Variants in DNHD1 observed in about 807,000 individuals in gnomAD.
DNHD1 encodes dynein heavy chain domain-containing protein 1.
A neutral mutation model predicts 458.1 loss-of-function variants in DNHD1; 383 were observed. That is an observed-to-expected ratio of 0.84 (90% CI 0.77 to 0.91). The LOEUF (loss-of-function observed/expected upper bound fraction) is 0.91. Among genes scored for constraint, DNHD1 ranks in the 40% least tolerant of loss-of-function variants. DNHD1 has a pLI of 0.00. For missense variants in DNHD1, 5,336 were observed against 5,866.1 expected (o/e 0.91, Z 2.95); for synonymous variants, 2,203 against 2,376.9 (o/e 0.93, Z 2.13).
rs1260698871 is a variant in DNHD1 at position 6,533,190 on chromosome 11, C to T, written c.2505+6C>T. On this transcript the variant is annotated splice_donor_region_variant and intron_variant, in intron 13 of 42. Transcript: ENST00000254579. ...TTGCACAGTGCACCCAGAAGGTGGG[C>T]TCTCCCCATCCATCCTTCCCAGTTT... The T allele has an allele frequency of 6.4e-7, 1 of 1,550,786 alleles. No individual in the cohort carries two copies. The highest frequency in any genetic ancestry group is 2.0e-5 in the Admixed American group (1 of 50,986).
chr11:6,533,641 G>C, intron 13 of DNHD1, 40 bp from the exon 14 acceptor site: 2 of 1,515,614 alleles, frequency 1.3e-6, no homozygotes, highest in South Asian at 2.6e-5. Flanking sequence ...GAGGTACATG[G>C]GGTTGTGGGG....
Position 6,539,954 on chromosome 11 carries a change from C to T in DNHD1, c.3499C>T (p.Leu1167=), listed in dbSNP as rs1259837683. The T allele has an allele frequency of 1.3e-5, 20 of 1,551,644 alleles. No homozygotes were observed. The Admixed American group carries it at 2.7e-4, about 21-fold the overall frequency. ...RLQRYWEARQ[L]RLLNFILHVP... ...GCAGCGGTACTGGGAAGCGCGCCAG[C>T]TGCGCCTGCTCAACTTCATCCTGCA... The change falls in exon 18 of 43, where the codon CTG becomes TTG. Residue 1167 remains leucine (L), a synonymous_variant. Transcript: ENST00000254579.
Position 6,528,686 on chromosome 11 carries a change from C to G in DNHD1, c.2002C>G (p.Arg668Gly). The G allele has an allele frequency of 1.3e-6, 2 of 1,551,678 alleles. No homozygotes were observed. Among genetic ancestry groups the G allele is most frequent in the Non-Finnish European group, 1.7e-6 (2 of 1,146,986 alleles). ...CTTGGAGGTCCGTGGATGTCGGCTG[C>G]GGGGCCAATACTTCCCCCACAATTA... ...GILEVRGCRLRGQYFPHNYKQ... is the reference protein window; with the variant it reads ...GILEVRGCRLGGQYFPHNYKQ... Residue 668 changes from arginine to glycine, a missense_variant, in exon 11 of 43, where the codon CGG (arginine) becomes GGG (glycine). Around this residue, in one of 4 missense-constraint regions of DNHD1, gnomAD observed 3,932 missense variants for 4,365.6 expected, o/e 0.90. Coordinates refer to ENST00000254579, the MANE Select transcript of DNHD1 (RefSeq NM_144666.3).
intron 7 of DNHD1, among the ~76,000 whole-genome samples, chr11:6,517,035 A>G (rs1589870688): frequency 1.3e-5 from 2 of 152,304 alleles, no homozygotes; most frequent in Admixed American, 1.3e-4. Context: ...CTTGGAAGCT[A>G]GGAAGTCCAA....
rs374802186 is a variant in DNHD1 at position 6,568,085 on chromosome 11, G to C, written c.12381G>C (p.Leu4127=). The C allele has an allele frequency of 3.7e-5, 59 of 1,576,676 alleles. No homozygotes were observed. In the Admixed American group the frequency reaches 1.1e-3, roughly 29 times the overall value. Residue 4127 remains leucine, a synonymous_variant, in exon 37 of 43, where the codon CTG becomes CTC. Coordinates refer to ENST00000254579, the MANE Select transcript of DNHD1 (RefSeq NM_144666.3). Reference sequence around the variant, plus strand: ...AGAAGCAACTGCAGGTGATAGCCCTGGGCTCTGAAGCCTGGGACCCAGTCT... The same window carrying C: ...AGAAGCAACTGCAGGTGATAGCCCTCGGCTCTGAAGCCTGGGACCCAGTCT... The part of the protein sequence containing the change: ...QGQKQLQVIA[L]GSEAWDPVSV...
chr11:6,523,679 T>G (rs1288345328), intron 10 of DNHD1, among the ~76,000 whole-genome samples: 1 of 152,186 alleles, frequency 6.6e-6, no homozygotes, highest in African/African-American at 2.4e-5. Context: ...TTCCTTTGAT[T>G]TAGTTGATTT....
At chr11:6,528,815 C>T (rs745545815) in intron 11 of DNHD1, 28 bp downstream of exon 11, 22 of 1,550,132 alleles carry the variant, frequency 1.4e-5, no homozygotes, top group Middle Eastern at 1.7e-4. Flanking sequence ...AGGGATAGGG[C>T]GCTGCCCACC....
intron 3 of DNHD1, among the ~76,000 whole-genome samples, chr11:6,501,334 T>C (rs1852131881): frequency 6.6e-6 from 1 of 151,196 alleles, no homozygotes; most frequent in South Asian, 2.1e-4. Flanking sequence ...GAGATGTTTA[T>C]ATCCCTTAAC....
rs905356014 is a variant in DNHD1, at chr11:6,538,785, C to T, written c.3300C>T (p.Ser1100=). 10 of 1,525,674 alleles carry T rather than the reference C, an allele frequency of 6.6e-6. No homozygotes were observed. The highest frequency in any genetic ancestry group is 1.4e-5 in the African/African-American group (1 of 72,504). 94.5% of individuals were successfully genotyped at this position (1,525,674 alleles called of 1,614,324 possible). The stretch of plus-strand genomic sequence containing the variant: ...AGCTGGGCAGCCTCCACCCACAGAG[C>T]CTCAACTGCCAGTGTCTCCTGCGTG... The part of the protein sequence containing the change: ...LTKLGSLHPQ[S]LNCQCLLRAL... Residue 1100 remains serine, a synonymous_variant, in exon 16 of 43, where the codon AGC becomes AGT. Coordinates refer to ENST00000254579, the MANE Select transcript of DNHD1 (RefSeq NM_144666.3).
chr11:6,498,052 T>C lies in DNHD1; in HGVS notation c.-164T>C, dbSNP rs1852063302. On this transcript the variant is annotated 5_prime_UTR_variant, in exon 3 of 43. Transcript: ENST00000254579. ...AGGTCCTTTCTTCCTCCTAACCCCA[T>C]TGACTCTGACCATCCCCTGCCCAGA... 3 of 925,148 alleles carry C rather than the reference T, an allele frequency of 3.2e-6. No homozygotes were observed. The highest frequency in any genetic ancestry group is 1.6e-5 in the South Asian group (1 of 62,286). The allele number at this position is 925,148 out of a possible 1,614,324, so 57.3% of individuals were successfully genotyped here.
At chr11:6,499,149 G>A (rs567056993) in intron 3 of DNHD1, among the ~76,000 whole-genome samples, 188 bp downstream of exon 3, 1 of 152,344 alleles carries the variant, frequency 6.6e-6, no homozygotes, top group African/African-American at 2.4e-5. Flanking sequence ...ACCCAGTGGT[G>A]TTAGTCTTAA....
intron 12 of DNHD1, among the ~76,000 whole-genome samples, chr11:6,529,635 C>T (rs530585985): frequency 3.7e-4 from 56 of 152,286 alleles, no homozygotes; most frequent in Non-Finnish European, 7.1e-4. Context: ...AAAATTTATA[C>T]TGTAGTTCTG....
At chr11:6,555,701 A>G (rs1404269336) in intron 24 of DNHD1, among the ~76,000 whole-genome samples, 1 of 152,254 alleles carries the variant, frequency 6.6e-6, no homozygotes, top group Non-Finnish European at 1.5e-5. Context: ...GATCAAGTAC[A>G]TACCGTATGA....
rs756251370 is a variant in DNHD1, at chr11:6,538,698, C to T, written c.3213C>T (p.Pro1071=). The change falls in exon 16 of 43, where the codon CCC becomes CCT. Residue 1071 remains proline, a synonymous_variant. Coordinates refer to ENST00000254579, the MANE Select transcript of DNHD1 (RefSeq NM_144666.3). ...RMSTTLELHS[P]VLQHCMRILG... is the part of the protein sequence containing the mutation. Reference sequence around the variant, plus strand: ...GCACAACCCTGGAGCTGCACAGCCCCGTGCTGCAGCACTGCATGCGCATCC... The same window carrying T: ...GCACAACCCTGGAGCTGCACAGCCCTGTGCTGCAGCACTGCATGCGCATCC... 118 of 1,549,980 alleles carry T rather than the reference C, an allele frequency of 7.6e-5. No homozygotes were observed. The highest frequency in any genetic ancestry group is 9.5e-5 in the South Asian group (8 of 83,922).
rs1400617596 is a variant in DNHD1 at position 6,547,610 on chromosome 11, T to C, written c.6671T>C (p.Leu2224Ser). 9.1e-6 allele frequency: 14 copies of C among 1,542,438 alleles called. No individual in the cohort carries two copies. The highest frequency in any genetic ancestry group is 1.1e-5 in the Non-Finnish European group (13 of 1,139,816). The change falls in exon 21 of 43, where the codon TTG becomes TCG. Residue 2224 changes from leucine to serine, a missense_variant. Leu to Ser is a moderately radical substitution (Grantham distance 145). Transcript: ENST00000254579. ...GAAGTTACCAGCATGGCACGCATCT[T>C]GCATAGTCTGCTTGACCTCCACCTT... is the stretch of plus-strand genomic sequence containing the variant. Reference protein sequence around the residue: ...VAEVTSMARILHSLLDLHLRL... With the variant: ...VAEVTSMARISHSLLDLHLRL...
At position 6,568,630 on chromosome 11, in the gene DNHD1, T is replaced by C. The variant is rs746266054; in HGVS notation, c.12662-35T>C. The C allele has an allele frequency of 3.1e-6, 5 of 1,613,848 alleles. No homozygotes were observed. The South Asian group carries it at 4.4e-5, about 14-fold the overall frequency. On this transcript the variant is annotated intron_variant, in intron 38 of 42. Transcript: ENST00000254579. ...CAAATTGGAAGTGGGAGGGCAACTG[T>C]GCTGTGCTGACTCAGCACTCTCCTT...
At chr11:6,559,736 T>C (rs1359645295) in intron 28 of DNHD1, among the ~76,000 whole-genome samples, 1 of 152,210 alleles carries the variant, frequency 6.6e-6, no homozygotes, top group Non-Finnish European at 1.5e-5. Flanking sequence ...AGATGGGTGA[T>C]GGCAGCAGGG....
At chr11:6,544,542 T>A in intron 19 of DNHD1, 32 bp from the exon 20 acceptor site, 4 of 1,520,906 alleles carry the variant, frequency 2.6e-6, no homozygotes, top group Non-Finnish European at 3.6e-6. Context: ...CCCTAGTGTT[T>A]CCCACCAGCA....
chr11:6,533,803 C>T lies in DNHD1; in HGVS notation c.2628C>T (p.Ile876=). 1 of 1,551,576 alleles carries T rather than the reference C, an allele frequency of 6.4e-7. No homozygotes were observed. Among genetic ancestry groups the T allele is most frequent in the Non-Finnish European group, 8.7e-7 (1 of 1,146,978 alleles). ...GTGCTGAGAATGAAGCACTGGACATCTCGGTGAGAAGGCAATTCGGGGAGT... is the reference window on the plus strand; with the variant it reads ...GTGCTGAGAATGAAGCACTGGACATTTCGGTGAGAAGGCAATTCGGGGAGT... ...LFSAENEALD[I]SVRRQFGESP... Residue 876 remains isoleucine (I), a synonymous_variant, in exon 14 of 43, where the codon ATC becomes ATT. Transcript: ENST00000254579.
Sources: allele counts gnomAD v4.1 joint callset (sites outside exome capture counted in the v4.1 genomes callset), GRCh38; gene constraint gnomAD v4.1.1; regional missense constraint gnomAD v4.1.1; transcripts MANE v1.5; gene names NCBI Gene and HGNC (gene_info 2026-07-23, HGNC 2026-07-21).